ARID5B: variants seen among roughly 807,000 people sequenced by gnomAD.
ARID5B encodes the protein AT-rich interaction domain 5B.
ARID5B carries 13 observed loss-of-function variants against 97.2 expected under a neutral mutation model. The observed-to-expected ratio is 0.13, with a 90% CI of 0.09 to 0.21. The LOEUF (loss-of-function observed/expected upper bound fraction) is 0.21. Among genes scored for constraint, ARID5B ranks in the 10% least tolerant of loss-of-function variants. ARID5B has a pLI of 1.00. For missense variants in ARID5B, 1,210 were observed against 1,465.3 expected (o/e 0.83, Z 2.84); for synonymous variants, 556 against 570.3 (o/e 0.97, Z 0.36).
At chr10:61,975,879 A>G (rs922498416) in intron 3 of ARID5B, among the ~76,000 whole-genome samples, 1 of 152,162 alleles carries the variant, frequency 6.6e-6, no homozygotes, top group Non-Finnish European at 1.5e-5. Flanking sequence ...GTATGGAAAC[A>G]ATTTTCCAAT....
At chr10:62,041,440 A>G (rs1386751361) in intron 4 of ARID5B, among the ~76,000 whole-genome samples, 1 of 152,210 alleles carries the variant, frequency 6.6e-6, no homozygotes, top group Non-Finnish European at 1.5e-5. Context: ...TAAGTAAAAG[A>G]CTATCCTACT....
At chr10:61,967,924 C>A (rs888324613) in intron 3 of ARID5B, among the ~76,000 whole-genome samples, 1 of 151,824 alleles carries the variant, frequency 6.6e-6, no homozygotes, top group African/African-American at 2.4e-5. Flanking sequence ...TTGTAGATAA[C>A]CATCTATTTG....
chr10:62,095,534 C>T lies in ARID5B; in HGVS notation c.*2504C>T, dbSNP rs1199356899. 4.3e-6 allele frequency: 1 copy of T among 233,506 alleles called. No individual in the cohort carries two copies. Among genetic ancestry groups the T allele is most frequent in the South Asian group, 1.8e-4 (1 of 5,526 alleles). 14.5% of individuals were successfully genotyped at this position (233,506 alleles called of 1,614,324 possible). On this transcript the variant is annotated 3_prime_UTR_variant, in exon 10 of 10. Coordinates refer to ENST00000279873, the MANE Select transcript of ARID5B (RefSeq NM_032199.3). ...TTAACATAGTCCAGCTTTTGTTTTT[C>T]TCATCTCTTCTGAGAGGAGACTCAC... is the stretch of plus-strand genomic sequence containing the variant.
At chr10:61,985,009 C>A (rs1290263953) in intron 3 of ARID5B, among the ~76,000 whole-genome samples, 2 of 152,010 alleles carry the variant, frequency 1.3e-5, no homozygotes, top group Non-Finnish European at 2.9e-5. Flanking sequence ...TTCCTTAGGG[C>A]TGCCCAAAGG....
Position 62,092,864 on chromosome 10 carries a change from C to A in ARID5B, c.3401C>A (p.Pro1134Gln). Reference protein sequence around the residue: ...LVMQRGIFTSPTNSQQLYRHL... With the variant: ...LVMQRGIFTSQTNSQQLYRHL... ...ATGCAAAGAGGAATTTTTACATCAC[C>A]GACAAATTCTCAGCAGCTGTACAGA... is the stretch of plus-strand genomic sequence containing the variant. The change falls in exon 10 of 10, where the codon CCG becomes CAG. Residue 1134 changes from proline to glutamine, a missense_variant. Pro to Gln is a moderately conservative substitution (Grantham distance 76). Transcript: ENST00000279873. 1 of 1,614,186 alleles carries A rather than the reference C, an allele frequency of 6.2e-7. No homozygotes were observed. The highest frequency in any genetic ancestry group is 8.5e-7 in the Non-Finnish European group (1 of 1,180,036).
At chr10:61,972,225 CTTTTT>C (rs71022106) in intron 3 of ARID5B, among the ~76,000 whole-genome samples, 1 of 112,680 alleles carries the variant, frequency 8.9e-6, no homozygotes, top group African/African-American at 3.4e-5. Context: ...TTATATCATG[CTTTTT>C]TTTTTTTTTT....
chr10:61,937,628 A>G (rs922341202), intron 2 of ARID5B, among the ~76,000 whole-genome samples: 2 of 152,196 alleles, frequency 1.3e-5, no homozygotes, highest in Non-Finnish European at 2.9e-5. Flanking sequence ...TATTAGAGTA[A>G]ATCAGCAATA....
chr10:62,015,109 C>T (rs570090834), intron 4 of ARID5B, among the ~76,000 whole-genome samples: 1 of 152,242 alleles, frequency 6.6e-6, no homozygotes, highest in African/African-American at 2.4e-5. Context: ...TGAGAGCATA[C>T]CATGTATCAG....
At chr10:61,988,717 A>G (rs1239247795) in intron 3 of ARID5B, among the ~76,000 whole-genome samples, 1 of 152,182 alleles carries the variant, frequency 6.6e-6, no homozygotes, top group Non-Finnish European at 1.5e-5. Context: ...CTTCGGACCC[A>G]GGACACAATG....
At chr10:61,945,477 T>C (rs1379616358) in intron 3 of ARID5B, among the ~76,000 whole-genome samples, 1 of 152,192 alleles carries the variant, frequency 6.6e-6, no homozygotes. Context: ...TTCAACCAAA[T>C]GGCTCAAAGT....
At chr10:62,089,309 C>A (rs1291952138) in intron 9 of ARID5B, among the ~76,000 whole-genome samples, 2 of 151,618 alleles carry the variant, frequency 1.3e-5, no homozygotes, top group Admixed American at 1.3e-4. Flanking sequence ...TAACATGTCC[C>A]TAAAATTCAG....
chr10:62,048,840 G>A (rs2132928283), intron 4 of ARID5B, among the ~76,000 whole-genome samples: 1 of 152,314 alleles, frequency 6.6e-6, no homozygotes, highest in South Asian at 2.1e-4. Flanking sequence ...TGCTAGGAAG[G>A]GAAGATCATA....
intron 4 of ARID5B, among the ~76,000 whole-genome samples, chr10:62,028,302 G>A (rs7922984): frequency 3.3e-5 from 5 of 152,172 alleles, no homozygotes; most frequent in Non-Finnish European, 1.5e-5. Flanking sequence ...AAGCAGTTAC[G>A]CAAGTACAAA....
chr10:61,963,852 C>T (rs1360912151), intron 3 of ARID5B, among the ~76,000 whole-genome samples: 1 of 151,896 alleles, frequency 6.6e-6, no homozygotes, highest in East Asian at 1.9e-4. Flanking sequence ...AAGAAATGAC[C>T]TGTGCCCCCA....
At chr10:61,988,670 C>A (rs933729654) in intron 3 of ARID5B, among the ~76,000 whole-genome samples, 4 of 152,104 alleles carry the variant, frequency 2.6e-5, no homozygotes, top group Admixed American at 2.6e-4. Context: ...CCAAAAGGAA[C>A]CTGTACACAG....
chr10:62,049,359 A>AT, intron 4 of ARID5B: 1 of 1,543,618 alleles, frequency 6.5e-7, no homozygotes. Flanking sequence ...CGCAGCTCGC[A>AT]TTCGGAGGGA....
At chr10:62,044,184 C>CAAA (rs2132921959) in intron 4 of ARID5B, among the ~76,000 whole-genome samples, 1 of 152,130 alleles carries the variant, frequency 6.6e-6, no homozygotes, top group South Asian at 2.1e-4. Flanking sequence ...ATGACTTGGG[C>CAAA]AAAAGCACAC....
chr10:61,931,496 A>T (rs1349319123), intron 2 of ARID5B, among the ~76,000 whole-genome samples: 1 of 152,228 alleles, frequency 6.6e-6, no homozygotes, highest in African/African-American at 2.4e-5. Flanking sequence ...AAAGAAAAAA[A>T]ATCTAACTGG....
intron 3 of ARID5B, among the ~76,000 whole-genome samples, chr10:61,961,516 A>G (rs1199465699): frequency 6.6e-6 from 1 of 152,208 alleles, no homozygotes. Flanking sequence ...TAGGCTCAGA[A>G]GTGTAACTGC....
Sources: allele counts gnomAD v4.1 joint callset (sites outside exome capture counted in the v4.1 genomes callset), GRCh38; gene constraint gnomAD v4.1.1; transcripts MANE v1.5; gene names NCBI Gene and HGNC (gene_info 2026-07-23, HGNC 2026-07-21).